The following TMEM132D variants were observed in gnomAD, a reference collection of about 807,000 sequenced individuals.
TMEM132D encodes the protein mature OL transmembrane protein.
Under a neutral mutation model 62.3 loss-of-function variants are expected in TMEM132D, and 21 were observed. The ratio of observed to expected loss-of-function variants is 0.34; its 90% CI spans 0.24 to 0.49. TMEM132D has a LOEUF of 0.49. Ranked by LOEUF, TMEM132D falls within the 20% of genes least tolerant of loss-of-function variation. TMEM132D has a pLI of 0.99. For synonymous variants in TMEM132D, 621 were observed against 575.6 expected (o/e 1.08, Z -1.13); for missense variants, 1,346 against 1,402.8 (o/e 0.96, Z 0.65).
intron 3 of TMEM132D, among the ~76,000 whole-genome samples, chr12:129,490,356 G>A (rs1874730762): frequency 6.7e-6 from 1 of 149,042 alleles, no homozygotes; most frequent in Admixed American, 6.7e-5. Context: ...CCACAGGTAT[G>A]TCTTGTTTGG....
chr12:129,324,429 C>T (rs1474321393), intron 4 of TMEM132D, among the ~76,000 whole-genome samples: 1 of 152,228 alleles, frequency 6.6e-6, no homozygotes, highest in South Asian at 2.1e-4. Flanking sequence ...ACACACAACA[C>T]AGCTATTATT....
intron 2 of TMEM132D, among the ~76,000 whole-genome samples, chr12:129,657,463 G>A (rs1022028677): frequency 2.0e-5 from 3 of 152,156 alleles, no homozygotes; most frequent in African/African-American, 7.2e-5. Context: ...GGAGGGGGCT[G>A]ATCTCACATT....
At chr12:129,769,513 G>T (rs1193293748) in intron 1 of TMEM132D, among the ~76,000 whole-genome samples, 1 of 152,146 alleles carries the variant, frequency 6.6e-6, no homozygotes, top group East Asian at 1.9e-4. Context: ...TAAGACTTGG[G>T]TGGGTACACA....
intron 4 of TMEM132D, among the ~76,000 whole-genome samples, chr12:129,332,427 G>A (rs560164062): frequency 5.3e-5 from 8 of 152,216 alleles, no homozygotes; most frequent in African/African-American, 9.6e-5. Flanking sequence ...AGCACCTGGC[G>A]GCATCTCATC....
At chr12:129,228,023 C>T (rs948798973) in intron 4 of TMEM132D, among the ~76,000 whole-genome samples, 2 of 152,142 alleles carry the variant, frequency 1.3e-5, no homozygotes, top group Non-Finnish European at 2.9e-5. Flanking sequence ...CCCAGGACAT[C>T]GACGCTGTGT....
chr12:129,367,362 A>G (rs1466448740), intron 3 of TMEM132D, among the ~76,000 whole-genome samples: 1 of 152,098 alleles, frequency 6.6e-6, no homozygotes, highest in Non-Finnish European at 1.5e-5. Flanking sequence ...TAAACACTAC[A>G]CACATTTGCT....
intron 5 of TMEM132D, among the ~76,000 whole-genome samples, chr12:129,201,517 G>C (rs1878704362): frequency 6.6e-6 from 1 of 152,200 alleles, no homozygotes; most frequent in Non-Finnish European, 1.5e-5. Context: ...ATGATTTAGG[G>C]CTTGGACAAC....
At position 129,074,505 on chromosome 12, in the gene TMEM132D, G is replaced by A. The variant is rs2135603400; in HGVS notation, c.2670C>T (p.Ala890=). The A allele has an allele frequency of 1.2e-6, 2 of 1,614,048 alleles. No homozygotes were observed. Among genetic ancestry groups the A allele is most frequent in the Non-Finnish European group, 1.7e-6 (2 of 1,180,024 alleles). The change falls in exon 9 of 9, where the codon GCC becomes GCT. Residue 890 remains alanine, a synonymous_variant. Coordinates refer to ENST00000422113, the MANE Select transcript of TMEM132D (RefSeq NM_133448.3). The part of the protein sequence containing the change: ...TIPSDLTSFP[A]QVDLPRSNGE... Reference sequence around the variant, plus strand: ...CATTGCTTCTGGGGAGGTCCACCTGGGCTGGGAAGCTGGTGAGGTCGCTGG... The same window carrying A: ...CATTGCTTCTGGGGAGGTCCACCTGAGCTGGGAAGCTGGTGAGGTCGCTGG...
intron 4 of TMEM132D, among the ~76,000 whole-genome samples, chr12:129,297,269 G>T (rs116199418): frequency 6.6e-6 from 1 of 152,172 alleles, no homozygotes; most frequent in Non-Finnish European, 1.5e-5. Flanking sequence ...TTTGGTGCAC[G>T]TTCTTTAGTC....
chr12:129,638,556 A>AATATAAAC (rs1879551261), intron 2 of TMEM132D, among the ~76,000 whole-genome samples: 1 of 44,982 alleles, frequency 2.2e-5, no homozygotes, highest in Non-Finnish European at 5.3e-5. Context: ...AACATATATA[A>AATATAAAC]ATATATAAAC....
rs1259942227 is a variant in TMEM132D at position 129,505,532 on chromosome 12, C to T, written c.1115+25527G>A. ...TGCTGGGATTACAGGCATGAGCCAC[C>T]ACGCCTGGCCTGTTCCAAGGTATAG... On this transcript the variant is annotated intron_variant, in intron 3 of 8. Transcript: ENST00000422113. 1.1e-4 allele frequency among the ~76,000 whole-genome samples: 17 copies of T among 152,296 alleles called. No individual in the cohort carries two copies. In the East Asian group the frequency reaches 3.1e-3, roughly 28 times the overall value.
chr12:129,356,022 G>A (rs1870031853), intron 3 of TMEM132D, among the ~76,000 whole-genome samples: 1 of 152,128 alleles, frequency 6.6e-6, no homozygotes, highest in Non-Finnish European at 1.5e-5. Context: ...CTTCATTTGG[G>A]TTCTCCACCC....
chr12:129,084,784 T>A, intron 5 of TMEM132D, 82 bp from the exon 6 acceptor site: 1 of 1,388,804 alleles, frequency 7.2e-7, no homozygotes, highest in Non-Finnish European at 9.9e-7. Context: ...GAAAGGGAAG[T>A]GCCCTGGCTG....
intron 2 of TMEM132D, among the ~76,000 whole-genome samples, chr12:129,669,428 G>C (rs1880450227): frequency 6.6e-6 from 1 of 152,270 alleles, no homozygotes; most frequent in Non-Finnish European, 1.5e-5. Flanking sequence ...GTTGTGGCCA[G>C]GTGCAGTGGC....
At chr12:129,460,077 G>A (rs1402990008) in intron 3 of TMEM132D, among the ~76,000 whole-genome samples, 3 of 152,130 alleles carry the variant, frequency 2.0e-5, no homozygotes, top group Admixed American at 1.3e-4. Flanking sequence ...ACTTTTGGCA[G>A]CAGACAGAGC....
intron 3 of TMEM132D, among the ~76,000 whole-genome samples, chr12:129,347,197 G>A (rs1869714137): frequency 6.6e-6 from 1 of 152,010 alleles, no homozygotes; most frequent in South Asian, 2.1e-4. Context: ...CACAGAACTA[G>A]AAAAAAACTA....
intron 2 of TMEM132D, among the ~76,000 whole-genome samples, chr12:129,619,579 T>G (rs1404513555): frequency 6.6e-6 from 1 of 152,246 alleles, no homozygotes; most frequent in Non-Finnish European, 1.5e-5. Context: ...CCATTTGATT[T>G]TTTAACTTCC....
chr12:129,416,550 C>G (rs962058090), intron 3 of TMEM132D, among the ~76,000 whole-genome samples: 11 of 152,180 alleles, frequency 7.2e-5, no homozygotes, highest in Non-Finnish European at 1.6e-4. Flanking sequence ...TTATTTCTTT[C>G]TTTTGCCTGA....
intron 1 of TMEM132D, among the ~76,000 whole-genome samples, chr12:129,878,071 T>C (rs992939935): frequency 1.3e-5 from 2 of 152,218 alleles, no homozygotes; most frequent in Non-Finnish European, 2.9e-5. Flanking sequence ...TCTCACTGTT[T>C]GCTTCAGGAA....
Sources: gnomAD v4.1 joint callset for allele counts (sites outside exome capture counted in the v4.1 genomes callset) on GRCh38, gnomAD v4.1.1 for gene constraint, MANE v1.5 for transcripts, NCBI Gene and HGNC (gene_info 2026-07-23, HGNC 2026-07-21) for gene names.